The following SETBP1 variants were observed in gnomAD, a reference collection of about 807,000 sequenced individuals.
SETBP1 encodes the protein SET-binding protein.
SETBP1 carries 9 observed loss-of-function variants against 101.0 expected under a neutral mutation model. The observed-to-expected ratio is 0.09, with a 90% confidence interval of 0.05 to 0.16. The LOEUF is 0.16. Among genes scored for constraint, SETBP1 ranks in the 10% least tolerant of loss-of-function variants. SETBP1 has a pLI of 1.00. For synonymous variants in SETBP1, 818 were observed against 788.5 expected (o/e 1.04, Z -0.63); for missense variants, 1,858 against 2,033.8 (o/e 0.91, Z 1.66).
chr18:44,691,062 A>G (rs1323896604), intron 1 of SETBP1, among the ~76,000 whole-genome samples: 1 of 152,104 alleles, frequency 6.6e-6, no homozygotes, highest in Non-Finnish European at 1.5e-5. Context: ...CTGGTTTTAG[A>G]ACTCATGTAT....
At chr18:44,913,538 T>C (rs1373912416) in intron 3 of SETBP1, among the ~76,000 whole-genome samples, 1 of 152,192 alleles carries the variant, frequency 6.6e-6, no homozygotes, top group African/African-American at 2.4e-5. Flanking sequence ...TAAAGCTGGG[T>C]ACAACTTGAA....
chr18:44,953,158 C>G lies in SETBP1; in HGVS notation c.3818C>G (p.Thr1273Arg). ...YSGSGGDGGS[T>R]RSENLDVFSE... is the part of the protein sequence containing the mutation. ...GGCAGTGGCGGGGATGGTGGCAGCA[C>G]GAGATCAGAGAACCTGGACGTGTTC... Residue 1273 changes from threonine to arginine, a missense_variant, in exon 4 of 6, where the codon ACG becomes AGG. Thr to Arg is a moderately conservative substitution (Grantham distance 71). This residue lies in a region of SETBP1 where 417 missense variants were observed against 389.1 expected (regional missense o/e 1.07). Coordinates refer to ENST00000649279, the MANE Select transcript of SETBP1 (RefSeq NM_015559.3). 6.2e-7 allele frequency: 1 copy of G among 1,613,874 alleles called. No individual in the cohort carries two copies.
In SETBP1 at chr18:45,063,358, A is replaced by G; in HGVS notation, c.4451A>G (p.Lys1484Arg). 1.3e-6 allele frequency: 2 copies of G among 1,575,390 alleles called. No individual in the cohort carries two copies. The highest frequency in any genetic ancestry group is 1.2e-5 in the South Asian group (1 of 86,114). Reference protein sequence around the residue: ...VLEKCIDLPSKRGQKPSLSPL... With the variant: ...VLEKCIDLPSRRGQKPSLSPL... ...GAAAAATGCATCGACCTGCCCAGCAAAAGAGGCCAGAAGCCCAGCCTGAGC... is the reference window on the plus strand; with the variant it reads ...GAAAAATGCATCGACCTGCCCAGCAGAAGAGGCCAGAAGCCCAGCCTGAGC... Residue 1484 changes from lysine to arginine, a missense_variant, in exon 6 of 6, where the codon AAA (lysine) becomes AGA (arginine). Transcript: ENST00000649279.
At chr18:45,030,023 C>G (rs906896304) in intron 4 of SETBP1, among the ~76,000 whole-genome samples, 5 of 145,604 alleles carry the variant, frequency 3.4e-5, no homozygotes, top group African/African-American at 1.3e-4. Flanking sequence ...GCCTGATTGC[C>G]CTGGCCAGAA....
chr18:44,843,791 A>C (rs1207911796), intron 2 of SETBP1, among the ~76,000 whole-genome samples: 2 of 152,204 alleles, frequency 1.3e-5, no homozygotes, highest in African/African-American at 4.8e-5. Context: ...GGCTAGGCAC[A>C]CAGTCAGGCT....
intron 5 of SETBP1, among the ~76,000 whole-genome samples, chr18:45,040,950 C>T (rs2073496203): frequency 6.6e-6 from 1 of 152,228 alleles, no homozygotes; most frequent in Non-Finnish European, 1.5e-5. Context: ...TGCTGGAAGA[C>T]AGACCTTCCT....
chr18:44,878,204 A>G (rs574272477), intron 3 of SETBP1, among the ~76,000 whole-genome samples: 1 of 152,348 alleles, frequency 6.6e-6, no homozygotes, highest in South Asian at 2.1e-4. Flanking sequence ...AACTGGTTGA[A>G]GTAACTTTGA....
intron 4 of SETBP1, among the ~76,000 whole-genome samples, chr18:44,958,526 G>T (rs1049730776): frequency 6.6e-6 from 1 of 152,130 alleles, no homozygotes; most frequent in African/African-American, 2.4e-5. Context: ...TAATAATGTA[G>T]TACAAACATC....
In SETBP1 at chr18:44,832,735, G is replaced by A. The variant is rs142618219; in HGVS notation, c.487-36495G>A. On this transcript the variant is annotated intron_variant, in intron 2 of 5. Coordinates refer to ENST00000649279, the MANE Select transcript of SETBP1 (RefSeq NM_015559.3). The stretch of plus-strand genomic sequence containing the variant: ...TACAGGGGCCTGGCTGGGCAGCACT[G>A]TTCTTAGCTTCCCATTCCTTGGGCC... Among the ~76,000 whole-genome samples the A allele has an allele frequency of 9.2e-5, 14 of 152,248 alleles. No individual in the cohort carries two copies. The East Asian group carries it at 2.1e-3, about 23-fold the overall frequency.
intron 5 of SETBP1, among the ~76,000 whole-genome samples, chr18:45,039,963 GC>G (rs1488719953): frequency 6.6e-6 from 1 of 152,182 alleles, no homozygotes; most frequent in African/African-American, 2.4e-5. Context: ...AAAAGCTGCT[GC>G]CTTACCCCTG....
chr18:44,851,671 C>T (rs1255379630), intron 2 of SETBP1, among the ~76,000 whole-genome samples: 1 of 151,510 alleles, frequency 6.6e-6, no homozygotes, highest in Non-Finnish European at 1.5e-5. Context: ...ACATAATATG[C>T]TTTTTTTTTC....
chr18:45,063,076 C>T lies in SETBP1; in HGVS notation c.4172-3C>T. ...CAATTTCTTATCTCTTCCCCTCCCG[C>T]AGTCGGCTCCTCCCTGAAGAAGAGG... On this transcript the variant is annotated splice_region_variant and splice_polypyrimidine_tract_variant and intron_variant, in intron 5 of 5. Coordinates refer to ENST00000649279, the MANE Select transcript of SETBP1 (RefSeq NM_015559.3). 1.2e-6 allele frequency: 2 copies of T among 1,613,978 alleles called. No individual in the cohort carries two copies. The highest frequency in any genetic ancestry group is 1.7e-6 in the Non-Finnish European group (2 of 1,180,014).
chr18:44,681,861 T>C (rs893299244), intron 1 of SETBP1, among the ~76,000 whole-genome samples: 1 of 151,944 alleles, frequency 6.6e-6, no homozygotes, highest in Non-Finnish European at 1.5e-5. Context: ...GGGCAATTTG[T>C]GTGTCTCTTT....
intron 3 of SETBP1, among the ~76,000 whole-genome samples, chr18:44,926,521 G>A (rs556812971): frequency 2.3e-4 from 35 of 152,202 alleles, no homozygotes; most frequent in African/African-American, 1.9e-4. Flanking sequence ...CAGCTTCCTC[G>A]TGCCCCATCT....
chr18:44,903,220 A>T (rs2070094467), intron 3 of SETBP1, among the ~76,000 whole-genome samples: 1 of 152,112 alleles, frequency 6.6e-6, no homozygotes, highest in African/African-American at 2.4e-5. Context: ...TCTATTCCAC[A>T]TAAAAAAATA....
intron 2 of SETBP1, among the ~76,000 whole-genome samples, chr18:44,774,645 C>G (rs949397510): frequency 6.6e-6 from 1 of 152,108 alleles, no homozygotes; most frequent in African/African-American, 2.4e-5. Context: ...TATGAAAACT[C>G]AGAGTTGGAG....
At chr18:44,723,503 G>A (rs1049389142) in intron 2 of SETBP1, among the ~76,000 whole-genome samples, 1 of 152,044 alleles carries the variant, frequency 6.6e-6, no homozygotes, top group Non-Finnish European at 1.5e-5. Flanking sequence ...ACAGTCGGCG[G>A]GGGGAAAAAA....
At chr18:44,868,468 G>T (rs572634718) in intron 2 of SETBP1, among the ~76,000 whole-genome samples, 1 of 152,060 alleles carries the variant, frequency 6.6e-6, no homozygotes, top group Non-Finnish European at 1.5e-5. Flanking sequence ...GCCAAGGCAG[G>T]CGTATCACCT....
intron 2 of SETBP1, among the ~76,000 whole-genome samples, chr18:44,865,795 C>G (rs1236545154): frequency 6.6e-6 from 1 of 152,198 alleles, no homozygotes; most frequent in Non-Finnish European, 1.5e-5. Context: ...GAAAGACACA[C>G]TGTTGTACAT....
Sources: gnomAD v4.1 joint callset for allele counts (sites outside exome capture counted in the v4.1 genomes callset) on GRCh38, gnomAD v4.1.1 for gene constraint, gnomAD v4.1.1 regional missense constraint, MANE v1.5 for transcripts, NCBI Gene and HGNC (gene_info 2026-07-23, HGNC 2026-07-21) for gene names.